The following WDR7 variants were observed in gnomAD, a reference collection of about 807,000 sequenced individuals.
WDR7 encodes WD repeat-containing protein 7.
Under a neutral mutation model 169.4 loss-of-function variants are expected in WDR7, and 46 were observed. That is an observed-to-expected ratio of 0.27 (90% CI 0.21 to 0.35). WDR7 has a LOEUF of 0.35. Ranked by LOEUF, WDR7 falls within the 10% of genes least tolerant of loss-of-function variation. The pLI is 1.00. For synonymous variants in WDR7, 612 were observed against 666.8 expected (o/e 0.92, Z 1.27); for missense variants, 1,534 against 1,859.3 (o/e 0.83, Z 3.22).
At chr18:56,926,151 G>A (rs530371715) in intron 22 of WDR7, among the ~76,000 whole-genome samples, 3 of 152,290 alleles carry the variant, frequency 2.0e-5, no homozygotes, top group South Asian at 4.1e-4. Context: ...GATACAGGAG[G>A]CCTGAAGATT....
intron 26 of WDR7, among the ~76,000 whole-genome samples, chr18:57,007,080 C>T (rs1366007213): frequency 6.6e-6 from 1 of 151,360 alleles, no homozygotes; most frequent in Non-Finnish European, 1.5e-5. Flanking sequence ...CCCGGGTTCA[C>T]GCCATTCTCC....
In WDR7 at chr18:56,730,635, G is replaced by A. The variant is rs571033929; in HGVS notation, c.1775-748G>A. ...CAAAAAATTAGCCGGGCGTGATGGCGGGCACCTGTGGTCCCAGCTACTCGG... is the reference window on the plus strand; with the variant it reads ...CAAAAAATTAGCCGGGCGTGATGGCAGGCACCTGTGGTCCCAGCTACTCGG... On this transcript the variant is annotated intron_variant, in intron 13 of 27. Coordinates refer to ENST00000254442, the MANE Select transcript of WDR7 (RefSeq NM_015285.3). 4.6e-5 allele frequency among the ~76,000 whole-genome samples: 7 copies of A among 152,088 alleles called. No homozygotes were observed. In the South Asian group the frequency reaches 1.0e-3, roughly 23 times the overall value.
chr18:56,971,451 A>G (rs1405893953), intron 26 of WDR7, among the ~76,000 whole-genome samples: 1 of 152,196 alleles, frequency 6.6e-6, no homozygotes, highest in Non-Finnish European at 1.5e-5. Context: ...ATTATAGGCA[A>G]GAGATCAAAA....
At chr18:56,718,897 A>AT (rs1208090100) in intron 13 of WDR7, among the ~76,000 whole-genome samples, 5 of 152,160 alleles carry the variant, frequency 3.3e-5, no homozygotes, top group Non-Finnish European at 7.3e-5. Flanking sequence ...TTTAAATAGC[A>AT]TTTTTTGAAA....
At chr18:56,833,070 C>A (rs777359241) in intron 20 of WDR7, among the ~76,000 whole-genome samples, 30 of 151,606 alleles carry the variant, frequency 2.0e-4, no homozygotes, top group Non-Finnish European at 4.1e-4. Flanking sequence ...TAACCCAATA[C>A]AAGGAAGCTA....
At chr18:56,671,289 G>GTTT (rs1371189800) in intron 1 of WDR7, among the ~76,000 whole-genome samples, 37 of 107,466 alleles carry the variant, frequency 3.4e-4, no homozygotes, top group African/African-American at 1.1e-3. Context: ...ACTGAGCAAA[G>GTTT]TGTTTTTTTT....
chr18:56,888,227 CT>C (rs1229913340), intron 21 of WDR7, among the ~76,000 whole-genome samples: 2 of 152,172 alleles, frequency 1.3e-5, no homozygotes, highest in African/African-American at 4.8e-5. Context: ...GTATCTTATA[CT>C]TTTTTGAACA....
intron 13 of WDR7, among the ~76,000 whole-genome samples, chr18:56,724,606 T>C (rs1451743206): frequency 2.0e-5 from 3 of 151,768 alleles, no homozygotes; most frequent in Non-Finnish European, 4.4e-5. Context: ...TTTTTGAGCT[T>C]TGTTGTGGGA....
At chr18:56,988,363 T>A (rs572683387) in intron 26 of WDR7, among the ~76,000 whole-genome samples, 1 of 152,286 alleles carries the variant, frequency 6.6e-6, no homozygotes, top group East Asian at 1.9e-4. Context: ...GCACTCCAGT[T>A]GAGGCAAAAT....
At chr18:56,698,466 CAT>C in intron 12 of WDR7, among the ~76,000 whole-genome samples, 1 of 151,230 alleles carries the variant, frequency 6.6e-6, no homozygotes, top group Non-Finnish European at 1.5e-5. Flanking sequence ...ATTAGCTGGG[CAT>C]GGTGGCAGGC....
intron 22 of WDR7, among the ~76,000 whole-genome samples, chr18:56,934,564 G>C (rs941833917): frequency 2.6e-5 from 4 of 151,928 alleles, no homozygotes; most frequent in Non-Finnish European, 5.9e-5. Context: ...CCCTCCGTAT[G>C]GGAAAAAGAA....
chr18:56,808,483 T>C (rs1453351702), intron 19 of WDR7, among the ~76,000 whole-genome samples: 1 of 152,196 alleles, frequency 6.6e-6, no homozygotes, highest in East Asian at 1.9e-4. Context: ...CTTTCTCCAT[T>C]CTTAGTCCTA....
chr18:56,997,647 A>G (rs2047916681), intron 26 of WDR7, among the ~76,000 whole-genome samples: 1 of 152,214 alleles, frequency 6.6e-6, no homozygotes, highest in South Asian at 2.1e-4. Context: ...TTTGAAAATT[A>G]TTCACTCCTT....
At chr18:56,894,697 G>A (rs1231378173) in intron 21 of WDR7, among the ~76,000 whole-genome samples, 1 of 151,890 alleles carries the variant, frequency 6.6e-6, no homozygotes, top group African/African-American at 2.4e-5. Flanking sequence ...CTATTTTGTT[G>A]AGCAACGACT....
intron 20 of WDR7, among the ~76,000 whole-genome samples, chr18:56,820,081 A>T (rs1056769073): frequency 2.6e-5 from 4 of 151,978 alleles, no homozygotes; most frequent in Non-Finnish European, 4.4e-5. Flanking sequence ...TGTGTCTTTT[A>T]TCATGGTACA....
At chr18:56,666,567 A>G (rs2025029599) in intron 1 of WDR7, among the ~76,000 whole-genome samples, 1 of 152,172 alleles carries the variant, frequency 6.6e-6, no homozygotes. Flanking sequence ...GCCACTGATC[A>G]CAGACATCAT....
chr18:56,718,996 A>G (rs543445774), intron 13 of WDR7, among the ~76,000 whole-genome samples: 1 of 152,212 alleles, frequency 6.6e-6, no homozygotes, highest in Non-Finnish European at 1.5e-5. Context: ...AAGCTTCGGT[A>G]ATCTTTTATT....
chr18:56,702,342 A>G (rs962658033), intron 12 of WDR7, among the ~76,000 whole-genome samples: 8 of 152,134 alleles, frequency 5.3e-5, no homozygotes, highest in Non-Finnish European at 1.0e-4. Flanking sequence ...GTATTTCCAC[A>G]TAGGTTACTC....
chr18:56,926,523 A>T (rs933647468), intron 22 of WDR7, among the ~76,000 whole-genome samples: 9 of 152,092 alleles, frequency 5.9e-5, no homozygotes, highest in African/African-American at 2.2e-4. Context: ...ATTTTGTTTG[A>T]TTTTGTTTTT....
Sources: gnomAD v4.1 joint callset for allele counts (sites outside exome capture counted in the v4.1 genomes callset) on GRCh38, gnomAD v4.1.1 for gene constraint, MANE v1.5 for transcripts, NCBI Gene and HGNC (gene_info 2026-07-23, HGNC 2026-07-21) for gene names.